The following TNNI3K variants were observed in gnomAD, a reference collection of about 807,000 sequenced individuals.
The protein encoded by TNNI3K is serine/threonine-protein kinase TNNI3K.
Under a neutral mutation model 114.5 loss-of-function variants are expected in TNNI3K, and 140 were observed. That is an observed-to-expected ratio of 1.22 (90% CI 1.07 to 1.41). The LOEUF is 1.41. Ranked by LOEUF, TNNI3K falls within the 40% of genes most tolerant of loss-of-function variation. The pLI, the probability that TNNI3K is intolerant of heterozygous loss-of-function variation, is 0.00. For synonymous variants in TNNI3K, 347 were observed against 347.5 expected, an observed-to-expected ratio of 1.00 and a Z score of 0.02; for missense variants, 1,125 against 1,007.6, an observed-to-expected ratio of 1.12 and a Z score of -1.58.
At chr1:74,533,501 T>C (rs560728417) in intron 23 of TNNI3K, among the ~76,000 whole-genome samples, 56 of 152,234 alleles carry the variant, frequency 3.7e-4, no homozygotes, top group African/African-American at 1.3e-3. Flanking sequence ...GAAGTCAGTG[T>C]GGTGATTCCT....
chr1:74,407,142 T>A (rs1337750820), intron 17 of TNNI3K, among the ~76,000 whole-genome samples: 1 of 152,244 alleles, frequency 6.6e-6, no homozygotes, highest in Non-Finnish European at 1.5e-5. Context: ...TGAAGATTAT[T>A]CTGCTAAAAT....
chr1:74,505,279 TA>T (rs1669835676), intron 23 of TNNI3K, among the ~76,000 whole-genome samples: 1 of 152,210 alleles, frequency 6.6e-6, no homozygotes, highest in Non-Finnish European at 1.5e-5. Context: ...ACAACCGGCC[TA>T]ATTAAATCTA....
intron 17 of TNNI3K, among the ~76,000 whole-genome samples, chr1:74,418,833 T>C (rs1209598956): frequency 6.6e-6 from 1 of 152,100 alleles, no homozygotes; most frequent in Non-Finnish European, 1.5e-5. Context: ...CCTTCGGTCA[T>C]TGCAATGTTT....
At chr1:74,277,887 A>C (rs1656779487) in intron 5 of TNNI3K, among the ~76,000 whole-genome samples, 1 of 152,206 alleles carries the variant, frequency 6.6e-6, no homozygotes, top group Non-Finnish European at 1.5e-5. Flanking sequence ...TTCAAATTGT[A>C]AACACTTATT....
intron 7 of TNNI3K, among the ~76,000 whole-genome samples, chr1:74,339,289 G>A (rs2100434942): frequency 1.3e-5 from 2 of 152,190 alleles, no homozygotes; most frequent in Middle Eastern, 6.8e-3. Flanking sequence ...GAGACGGCGT[G>A]ACTCACATTT....
rs751820158 is a variant in TNNI3K, at chr1:74,331,482, T to C, written c.477T>C (p.Asn159=). 21 of 1,613,848 alleles carry C rather than the reference T, an allele frequency of 1.3e-5. No homozygotes were observed. The highest frequency in any genetic ancestry group is 1.7e-5 in the Non-Finnish European group (20 of 1,179,896). Residue 159 remains asparagine, a synonymous_variant, in exon 6 of 25, where the codon AAT becomes AAC. Transcript: ENST00000326637. ...ATGTGCTGTTGCAACATGGAGCTAA[T>C]GTCAATATTCAAGATGCAGTTTTTT... ...AADVLLQHGA[N]VNIQDAVFFT...
intron 21 of TNNI3K, chr1:74,470,341 G>C: frequency 2.5e-6 from 1 of 400,578 alleles, no homozygotes; most frequent in African/African-American, 2.0e-5. Flanking sequence ...TAACATACTA[G>C]AATCTGTCTT....
rs202033048 is a variant in TNNI3K at position 74,544,116 on chromosome 1, C to G, written c.*134C>G. 5 of 892,270 alleles carry G rather than the reference C, an allele frequency of 5.6e-6. 1 individual carries two copies. In the South Asian group the frequency reaches 8.1e-5, roughly 15 times the overall value. The allele number at this position is 892,270 out of a possible 1,614,324, so 55.3% of individuals were successfully genotyped here. A position where few individuals can be genotyped will look rare whatever the true frequency, so the allele number is the denominator to read the frequency against. ...TTAAATTGGGCTTGTTTTTACTTGT[C>G]CTATTTAATTCCCCACTATTAGCAG... is the stretch of plus-strand genomic sequence containing the variant. On this transcript the variant is annotated 3_prime_UTR_variant, in exon 25 of 25. Coordinates refer to ENST00000326637, the MANE Select transcript of TNNI3K (RefSeq NM_015978.3).
intron 20 of TNNI3K, among the ~76,000 whole-genome samples, chr1:74,447,209 T>C (rs1666739352): frequency 2.0e-5 from 3 of 150,836 alleles, no homozygotes; most frequent in African/African-American, 7.4e-5. Flanking sequence ...TATCCTCTTT[T>C]ATTTCTTTGA....
At chr1:74,526,283 A>T (rs1004586436) in intron 23 of TNNI3K, among the ~76,000 whole-genome samples, 2 of 152,100 alleles carry the variant, frequency 1.3e-5, no homozygotes, top group South Asian at 2.1e-4. Context: ...ACTTTCCTCA[A>T]TCCAAAAGGG....
chr1:74,408,152 G>C (rs573703657), intron 17 of TNNI3K, among the ~76,000 whole-genome samples: 1 of 152,224 alleles, frequency 6.6e-6, no homozygotes, highest in Non-Finnish European at 1.5e-5. Context: ...GCACCCTTAT[G>C]TCACATAAAA....
intron 17 of TNNI3K, among the ~76,000 whole-genome samples, chr1:74,431,825 C>G (rs560051229): frequency 6.6e-6 from 1 of 152,040 alleles, no homozygotes; most frequent in East Asian, 1.9e-4. Context: ...CCTCACTTGA[C>G]GCAACAAAAT....
intron 20 of TNNI3K, among the ~76,000 whole-genome samples, chr1:74,462,492 G>A (rs1053385926): frequency 1.3e-5 from 2 of 152,182 alleles, no homozygotes; most frequent in Non-Finnish European, 2.9e-5. Flanking sequence ...GTGCTAAAGA[G>A]AGCATGGATT....
chr1:74,332,551 C>T (rs1031954699), intron 6 of TNNI3K, among the ~76,000 whole-genome samples: 7 of 152,090 alleles, frequency 4.6e-5, no homozygotes, highest in African/African-American at 9.7e-5. Flanking sequence ...CCTCCTGCCT[C>T]GGCCTCCTGA....
chr1:74,464,739 A>ATATCT (rs1307647532), intron 21 of TNNI3K: 1 of 1,573,648 alleles, frequency 6.4e-7, no homozygotes, highest in South Asian at 1.2e-5. Context: ...ATCTCAGAAG[A>ATATCT]TAACCTCTTA....
At chr1:74,326,334 C>T (rs961348363) in intron 5 of TNNI3K, among the ~76,000 whole-genome samples, 1 of 152,004 alleles carries the variant, frequency 6.6e-6, no homozygotes, top group Non-Finnish European at 1.5e-5. Context: ...CTCCTTTAAC[C>T]CTGCCCAATG....
At chr1:74,499,360 G>A (rs920187257) in intron 23 of TNNI3K, among the ~76,000 whole-genome samples, 3 of 152,046 alleles carry the variant, frequency 2.0e-5, no homozygotes, top group Non-Finnish European at 4.4e-5. Context: ...TGCCCAGGCT[G>A]GTCTCCTAAG....
intron 21 of TNNI3K, chr1:74,480,210 T>C (rs1327539562): frequency 1.4e-6 from 1 of 717,544 alleles, no homozygotes; most frequent in East Asian, 2.7e-5. Flanking sequence ...AGGGGACTTC[T>C]GTCCTTTAGA....
At chr1:74,319,367 G>A (rs1215638931) in intron 5 of TNNI3K, among the ~76,000 whole-genome samples, 1 of 152,160 alleles carries the variant, frequency 6.6e-6, no homozygotes, top group African/African-American at 2.4e-5. Flanking sequence ...TATAACTTTT[G>A]TATATTTTAG....
Sources: allele counts gnomAD v4.1 joint callset (sites outside exome capture counted in the v4.1 genomes callset), GRCh38; gene constraint gnomAD v4.1.1; transcripts MANE v1.5; gene names NCBI Gene and HGNC (gene_info 2026-07-23, HGNC 2026-07-21).